CD72: variants seen among roughly 807,000 people sequenced by gnomAD.
CD72 encodes the protein CD72 molecule.
CD72 carries 28 observed loss-of-function variants against 50.7 expected under a neutral mutation model. That is an observed-to-expected ratio of 0.55 (90% confidence interval 0.41 to 0.76). The LOEUF (loss-of-function observed/expected upper bound fraction) is 0.76. Ranked by LOEUF, CD72 falls within the 30% of genes least tolerant of loss-of-function variation. The pLI, the probability that CD72 is intolerant of heterozygous loss-of-function variation, is 0.00. For synonymous variants in CD72, 176 were observed against 171.2 expected (o/e 1.03, Z -0.22); for missense variants, 403 against 420.6 (o/e 0.96, Z 0.37).
intron 1 of CD72, chr9:35,642,671 C>T (rs1036749084): frequency 6.6e-6 from 1 of 152,178 alleles, no homozygotes; most frequent in Admixed American, 6.5e-5. Context: ...CCTGGAAAGC[C>T]GCTTCTGCTT....
chr9:35,629,177 G>A (rs1026085717), intron 1 of CD72, among the ~76,000 whole-genome samples: 25 of 152,040 alleles, frequency 1.6e-4, no homozygotes, highest in African/African-American at 5.3e-4. Flanking sequence ...GCGCCCGGCA[G>A]GCATCTCATT....
At chr9:35,630,789 C>T (rs2131781791) in intron 1 of CD72, among the ~76,000 whole-genome samples, 1 of 152,252 alleles carries the variant, frequency 6.6e-6, no homozygotes, top group Admixed American at 6.5e-5. Flanking sequence ...AGTGGCTGGA[C>T]GCAGTGGCTC....
rs765117031 is a variant in CD72 at position 35,616,548 on chromosome 9, T to TC, written c.352+51dup. The TC allele has an allele frequency of 4.1e-5, 57 of 1,381,686 alleles. No homozygotes were observed. The East Asian group carries it at 8.9e-4, about 22-fold the overall frequency. 85.6% of individuals were successfully genotyped at this position (1,381,686 alleles called of 1,614,324 possible). On this transcript the variant is annotated intron_variant, in intron 4 of 8. Coordinates refer to ENST00000259633, the MANE Select transcript of CD72 (RefSeq NM_001782.3). ...AGGAAGATCAGCTTTGGGGCGAGAG[T>TC]CGGGACGAAAGTCGTTCGGTGTAAG...
At chr9:35,628,878 G>GT (rs1214729736) in intron 1 of CD72, among the ~76,000 whole-genome samples, 1 of 151,886 alleles carries the variant, frequency 6.6e-6, no homozygotes, top group Non-Finnish European at 1.5e-5. Flanking sequence ...ATCTTTTTTT[G>GT]TTTTTTGTTT....
intron 1 of CD72, among the ~76,000 whole-genome samples, chr9:35,629,308 C>T (rs781618059): frequency 6.6e-6 from 1 of 152,014 alleles, no homozygotes; most frequent in Non-Finnish European, 1.5e-5. Flanking sequence ...TTTCTATCCC[C>T]CCAGAATTTT....
intron 7 of CD72, 95 bp from the exon 8 acceptor site, chr9:35,610,848 A>C (rs1587899048): frequency 4.6e-5 from 46 of 991,974 alleles, no homozygotes; most frequent in East Asian, 7.4e-5. Context: ...ATCCTAACTC[A>C]CCCTGCCTGC....
At chr9:35,624,910 T>C (rs1402710238) in intron 1 of CD72, among the ~76,000 whole-genome samples, 2 of 152,206 alleles carry the variant, frequency 1.3e-5, no homozygotes, top group Non-Finnish European at 1.5e-5. Context: ...ACATTGAACT[T>C]AATAAAAGTT....
chr9:35,616,995 G>A (rs1268844717), intron 3 of CD72, 181 bp downstream of exon 3: 7 of 1,444,696 alleles, frequency 4.8e-6, no homozygotes, highest in South Asian at 1.4e-5. Context: ...GCAGGGGGGC[G>A]GTGCACGTCG....
chr9:35,617,363 C>T, intron 2 of CD72, 116 bp from the exon 3 acceptor site: 2 of 1,164,396 alleles, frequency 1.7e-6, no homozygotes, highest in Non-Finnish European at 2.4e-6. Flanking sequence ...ACGTTGCCTG[C>T]TAGAGCTGCT....
chr9:35,624,290 G>A (rs535938263), upstream of CD72, among the ~76,000 whole-genome samples: 3 of 150,566 alleles, frequency 2.0e-5, no homozygotes, highest in Admixed American at 6.6e-5. Flanking sequence ...AATATAAAAT[G>A]AGCAAGTGGG....
At chr9:35,627,971 G>A (rs1823211325) in intron 1 of CD72, among the ~76,000 whole-genome samples, 1 of 152,022 alleles carries the variant, frequency 6.6e-6, no homozygotes, top group Admixed American at 6.6e-5. Context: ...AAGTAACTAG[G>A]ACTACAGGCA....
chr9:35,638,531 G>A (rs763446545), intron 1 of CD72, among the ~76,000 whole-genome samples: 5 of 151,700 alleles, frequency 3.3e-5, no homozygotes, highest in Admixed American at 3.3e-4. Flanking sequence ...GGGTACATGC[G>A]CCTTTTTCTG....
chr9:35,622,601 A>G (rs765928557), upstream of CD72, among the ~76,000 whole-genome samples: 1 of 152,116 alleles, frequency 6.6e-6, no homozygotes, highest in Non-Finnish European at 1.5e-5. Flanking sequence ...AGCCTGGCCA[A>G]TATGGTGAAA....
chr9:35,630,824 GA>G (rs1370352503), intron 1 of CD72, among the ~76,000 whole-genome samples: 1 of 152,170 alleles, frequency 6.6e-6, no homozygotes, highest in Admixed American at 6.5e-5. Flanking sequence ...AGCACTTTGA[GA>G]AGCTGAGGCA....
intron 1 of CD72, among the ~76,000 whole-genome samples, chr9:35,625,118 G>C (rs1454205144): frequency 1.3e-5 from 2 of 152,228 alleles, no homozygotes; most frequent in African/African-American, 4.8e-5. Context: ...TAAGGTTAGT[G>C]AGGAAGGCAT....
chr9:35,623,026 G>A (rs559601252), upstream of CD72, among the ~76,000 whole-genome samples: 300 of 151,964 alleles, frequency 2.0e-3, 2 homozygotes, highest in African/African-American at 7.0e-3. Flanking sequence ...AGGATTGTTT[G>A]AGCCCAGGAG....
At chr9:35,613,734 G>A (rs1823025154) in intron 5 of CD72, among the ~76,000 whole-genome samples, 1 of 152,140 alleles carries the variant, frequency 6.6e-6, no homozygotes, top group African/African-American at 2.4e-5. Flanking sequence ...TGGGCACAAT[G>A]GCTCACTTCT....
exon 1 of CD72, chr9:35,646,681 GT>G (rs1183032625): frequency 6.6e-6 from 1 of 152,250 alleles, no homozygotes; most frequent in African/African-American, 2.4e-5. Context: ...AAATAAAATT[GT>G]TTTACAGAAA....
chr9:35,618,913 G>A, upstream of CD72: 1 of 426,604 alleles, frequency 2.3e-6, no homozygotes, highest in South Asian at 2.0e-5. Context: ...CAGCACCTCT[G>A]GAAAGGCAAG....
Sources: gnomAD v4.1 joint callset for allele counts (sites outside exome capture counted in the v4.1 genomes callset) on GRCh38, gnomAD v4.1.1 for gene constraint, MANE v1.5 for transcripts, NCBI Gene and HGNC (gene_info 2026-07-23, HGNC 2026-07-21) for gene names.